RANBP2: variants seen among roughly 807,000 people sequenced by gnomAD.
RANBP2 encodes the protein RAN binding protein 2, also known as E3 SUMO-protein ligase RanBP2.
In RANBP2, 57 loss-of-function variants were observed where a neutral mutation model predicts 303.6. The ratio of observed to expected loss-of-function variants is 0.19; its 90% confidence interval spans 0.15 to 0.23. The LOEUF (loss-of-function observed/expected upper bound fraction) is 0.23. Ranked by LOEUF, RANBP2 falls within the 10% of genes least tolerant of loss-of-function variation. RANBP2 has a pLI of 1.00. For missense variants in RANBP2, 3,138 were observed against 3,780.8 expected (o/e 0.83, Z 4.46); for synonymous variants, 1,167 against 1,301.5 (o/e 0.90, Z 2.23).
chr2:108,787,071 G>A (rs1341711641), downstream of RANBP2, among the ~76,000 whole-genome samples: 1 of 152,100 alleles, frequency 6.6e-6, no homozygotes, highest in African/African-American at 2.4e-5. Flanking sequence ...GAAGCAGGCG[G>A]GAGGGGCGGG....
chr2:109,614,881 G>A, the RANBP2 span: 3 of 1,426,732 alleles, frequency 2.1e-6, no homozygotes, highest in Non-Finnish European at 2.7e-6. Flanking sequence ...CCTGGACAGG[G>A]CCGCGAGCTG....
the RANBP2 span, chr2:109,127,217 T>TA: frequency 6.6e-6 from 1 of 152,194 alleles, no homozygotes; most frequent in Non-Finnish European, 1.5e-5. Context: ...AGCATCCTGA[T>TA]ATAAGCACAG....
chr2:109,095,859 G>T, the RANBP2 span, among the ~76,000 whole-genome samples: 1 of 152,100 alleles, frequency 6.6e-6, no homozygotes, highest in Non-Finnish European at 1.5e-5. Context: ...TTTCTCTTTT[G>T]AAAATATTTT....
chr2:109,116,185 T>C, the RANBP2 span, among the ~76,000 whole-genome samples: 1 of 152,246 alleles, frequency 6.6e-6, no homozygotes, highest in African/African-American at 2.4e-5. Flanking sequence ...TCTGCCTTGC[T>C]AGATTGGGGA....
chr2:109,028,284 A>C, the RANBP2 span, among the ~76,000 whole-genome samples: 5 of 152,284 alleles, frequency 3.3e-5, no homozygotes, highest in Middle Eastern at 3.4e-3. Context: ...AGAAATAAAT[A>C]AAATAAAAAC....
At chr2:109,514,496 A>C in the RANBP2 span, among the ~76,000 whole-genome samples, 1 of 152,178 alleles carries the variant, frequency 6.6e-6, no homozygotes, top group Non-Finnish European at 1.5e-5. Flanking sequence ...AGTGTGGGGC[A>C]CTTGGCTGTG....
the RANBP2 span, among the ~76,000 whole-genome samples, chr2:109,431,042 C>G: frequency 3.3e-5 from 5 of 152,238 alleles, no homozygotes; most frequent in African/African-American, 1.2e-4. Context: ...TTAATCTCTA[C>G]AAGGTTCTCC....
At chr2:108,755,346 G>A in intron 17 of RANBP2, 87 bp downstream of exon 17, 1 of 1,588,582 alleles carries the variant, frequency 6.3e-7, no homozygotes. Flanking sequence ...AAGCTGGTCA[G>A]AATGTCCCCT....
At chr2:109,539,212 C>T in the RANBP2 span, among the ~76,000 whole-genome samples, 6 of 152,058 alleles carry the variant, frequency 3.9e-5, no homozygotes, top group East Asian at 2.0e-4. Flanking sequence ...GCAGAAGAAT[C>T]GCTTGAACCC....
At chr2:108,983,238 C>T in the RANBP2 span, among the ~76,000 whole-genome samples, 2 of 152,172 alleles carry the variant, frequency 1.3e-5, no homozygotes, top group African/African-American at 4.8e-5. Flanking sequence ...GGACAGGAGG[C>T]TTTAGGAACA....
At chr2:109,197,930 G>A in the RANBP2 span, among the ~76,000 whole-genome samples, 1 of 152,224 alleles carries the variant, frequency 6.6e-6, no homozygotes, top group East Asian at 1.9e-4. Context: ...TGGCCCCTTG[G>A]GCAGCCTTGG....
the RANBP2 span, chr2:109,544,149 T>C: frequency 1.3e-6 from 2 of 1,550,072 alleles, no homozygotes; most frequent in Non-Finnish European, 1.7e-6. Context: ...TGTATTGACC[T>C]TGTACTTGAA....
At chr2:108,851,252 G>A in the RANBP2 span, among the ~76,000 whole-genome samples, 13 of 152,090 alleles carry the variant, frequency 8.5e-5, no homozygotes, top group South Asian at 2.1e-4. Context: ...ATGTCCAGCC[G>A]TCTGGAAGCT....
At chr2:109,681,277 C>T in the RANBP2 span, among the ~76,000 whole-genome samples, 1 of 152,106 alleles carries the variant, frequency 6.6e-6, no homozygotes, top group Non-Finnish European at 1.5e-5. Context: ...AAGGGGCGCT[C>T]GAGACTGGAA....
the RANBP2 span, chr2:108,885,358 T>TTTCC: frequency 6.6e-6 from 1 of 152,214 alleles, no homozygotes; most frequent in East Asian, 1.9e-4. Flanking sequence ...TGCATCCAAA[T>TTTCC]TTGAGATGAT....
the RANBP2 span, among the ~76,000 whole-genome samples, chr2:109,425,830 C>T: frequency 2.0e-5 from 3 of 152,228 alleles, no homozygotes; most frequent in Non-Finnish European, 4.4e-5. Flanking sequence ...TTCTTCAGCT[C>T]ATGGATCGAG....
the RANBP2 span, among the ~76,000 whole-genome samples, chr2:108,900,473 G>C: frequency 6.6e-6 from 1 of 151,498 alleles, no homozygotes; most frequent in Non-Finnish European, 1.5e-5. Flanking sequence ...AGAACCACTT[G>C]AACCTGGGAG....
the RANBP2 span, chr2:109,545,634 T>C: frequency 4.6e-6 from 7 of 1,513,686 alleles, no homozygotes; most frequent in African/African-American, 9.7e-5. Flanking sequence ...AATACTATCT[T>C]ATGTCTATAA....
At chr2:109,653,389 C>A in the RANBP2 span, among the ~76,000 whole-genome samples, 1 of 119,294 alleles carries the variant, frequency 8.4e-6, no homozygotes, top group African/African-American at 2.6e-5. Flanking sequence ...AACTAGATTT[C>A]GTCTCAAAAA....
Sources: allele counts gnomAD v4.1 joint callset (sites outside exome capture counted in the v4.1 genomes callset), GRCh38; gene constraint gnomAD v4.1.1; transcripts MANE v1.5; gene names NCBI Gene and HGNC (gene_info 2026-07-23, HGNC 2026-07-21).